The following ABCB5 variants were observed in gnomAD, a reference collection of about 807,000 sequenced individuals.
The protein encoded by ABCB5 is ATP-binding cassette sub-family B member 5.
Under a neutral mutation model 144.2 loss-of-function variants are expected in ABCB5, and 155 were observed. The ratio of observed to expected loss-of-function variants is 1.08; its 90% CI spans 0.94 to 1.23. The LOEUF is 1.23. ABCB5 is among the 50% of genes most tolerant of loss of function. ABCB5 has a pLI of 0.00. For missense variants in ABCB5, 1,830 were observed against 1,520.8 expected, an observed-to-expected ratio of 1.20 and a Z score of -3.38; for synonymous variants, 610 against 528.6, an observed-to-expected ratio of 1.15 and a Z score of -2.11.
Position 20,756,446 on chromosome 7 carries a change from C to G in ABCB5, c.*822C>G, listed in dbSNP as rs1289901152. ...TCACTTGAGGTCAGGAGTTCGAGAC[C>G]AGCCTGGCCAACATGGTGAAACCCC... is the stretch of plus-strand genomic sequence containing the variant. On this transcript the variant is annotated 3_prime_UTR_variant, in exon 28 of 28. Coordinates refer to ENST00000404938, the MANE Select transcript of ABCB5 (RefSeq NM_001163941.2). The G allele has an allele frequency of 1.3e-5, 2 of 152,190 alleles. No individual in the cohort carries two copies. Among genetic ancestry groups the G allele is most frequent in the Non-Finnish European group, 2.9e-5 (2 of 68,048 alleles). The allele number at this position is 152,190 out of a possible 1,614,324, so 9.4% of individuals were successfully genotyped here.
At chr7:20,686,570 C>T (rs1786008578) in intron 16 of ABCB5, among the ~76,000 whole-genome samples, 1 of 152,142 alleles carries the variant, frequency 6.6e-6, no homozygotes, top group Admixed American at 6.5e-5. Flanking sequence ...TTAACCCATG[C>T]TTCTCCCAGC....
intron 16 of ABCB5, among the ~76,000 whole-genome samples, chr7:20,689,866 C>T (rs1292779943): frequency 3.3e-5 from 5 of 152,096 alleles, no homozygotes; most frequent in Non-Finnish European, 7.4e-5. Flanking sequence ...ATAACCAGGA[C>T]AGGGGTGGTA....
At chr7:20,633,286 C>G (rs1784078405) in intron 5 of ABCB5, among the ~76,000 whole-genome samples, 1 of 151,992 alleles carries the variant, frequency 6.6e-6, no homozygotes, top group Admixed American at 6.6e-5. Flanking sequence ...TTCTGAGTTT[C>G]CTAGGTAGAC....
In ABCB5 at chr7:20,711,786, T is replaced by TTCTCTCTCTCTCTC. The variant is rs1491248865; in HGVS notation, c.2421+6982_2421+6983insCTCTCTCTCTCTCT. ...CCTGCCTTTCCTTCTTTCTCTTTCT[T>TTCTCTCTCTCTCTC]TCTTTCTTTCTTTCTTTCTTTCTTT... is the stretch of plus-strand genomic sequence containing the variant. On this transcript the variant is annotated intron_variant, in intron 20 of 27. Transcript: ENST00000404938. 9.3e-4 allele frequency among the ~76,000 whole-genome samples: 32 copies of TTCTCTCTCTCTCTC among 34,254 alleles called. 2 individuals are homozygous for TTCTCTCTCTCTCTC. Among genetic ancestry groups the TTCTCTCTCTCTCTC allele is most frequent in the East Asian group, 8.2e-3 (7 of 852 alleles). 22.5% of individuals were successfully genotyped at this position (34,254 alleles called of 152,430 possible). A position where few individuals can be genotyped will look rare whatever the true frequency, so the allele number is the denominator to read the frequency against.
chr7:20,704,924 G>T (rs1370415176), intron 20 of ABCB5, 117 bp downstream of exon 20: 26 of 656,370 alleles, frequency 4.0e-5, no homozygotes, highest in Non-Finnish European at 5.3e-5. Flanking sequence ...TCATTAATGA[G>T]GCCAGGTAAG....
At chr7:20,661,211 T>G (rs143996980) in intron 14 of ABCB5, among the ~76,000 whole-genome samples, 1 of 152,256 alleles carries the variant, frequency 6.6e-6, no homozygotes, top group African/African-American at 2.4e-5. Context: ...CAAGGCTCTA[T>G]GGAGCTGGGC....
chr7:20,624,020 T>C (rs932319924), intron 2 of ABCB5, among the ~76,000 whole-genome samples: 1 of 152,188 alleles, frequency 6.6e-6, no homozygotes, highest in African/African-American at 2.4e-5. Flanking sequence ...TAGGAACATT[T>C]TGAAAATCAA....
chr7:20,625,469 G>C (rs140431978), intron 2 of ABCB5, among the ~76,000 whole-genome samples: 1 of 152,226 alleles, frequency 6.6e-6, no homozygotes, highest in African/African-American at 2.4e-5. Flanking sequence ...TGAAATGTGA[G>C]CATACAAAGC....
At position 20,756,280 on chromosome 7, in the gene ABCB5, C is replaced by T. The variant is rs771209139; in HGVS notation, c.*656C>T. ...TGAGCCATCCCAAAGATTCATTATT[C>T]CAAACCTTGGGTTTGGCAGTATAAG... On this transcript the variant is annotated 3_prime_UTR_variant, in exon 28 of 28. Coordinates refer to ENST00000404938, the MANE Select transcript of ABCB5 (RefSeq NM_001163941.2). 2 of 152,372 alleles carry T rather than the reference C, an allele frequency of 1.3e-5. No individual in the cohort carries two copies. Among genetic ancestry groups the T allele is most frequent in the Admixed American group, 1.3e-4 (2 of 15,286 alleles). 9.4% of individuals were successfully genotyped at this position (152,372 alleles called of 1,614,324 possible).
chr7:20,632,185 A>C (rs1398845879), intron 5 of ABCB5, 72 bp downstream of exon 5: 7 of 1,118,748 alleles, frequency 6.3e-6, no homozygotes, highest in Non-Finnish European at 6.2e-6. Flanking sequence ...AGAAAAAAGC[A>C]ACTGAAATTT....
chr7:20,658,534 G>C lies in ABCB5; in HGVS notation c.1565G>C (p.Gly522Ala). 1.9e-6 allele frequency: 3 copies of C among 1,614,016 alleles called. No individual in the cohort carries two copies. The highest frequency in any genetic ancestry group is 2.5e-6 in the Non-Finnish European group (3 of 1,179,994). ...TTTAATACATTGGTAGGGGAAAAAG[G>C]AGCTCAAATGAGTGGAGGGCAGAAA... ...NKFNTLVGEK[G>A]AQMSGGQKQR... The change falls in exon 14 of 28, where the codon GGA (glycine) becomes GCA (alanine). Residue 522 changes from glycine (G) to alanine (A), a missense_variant. Coordinates refer to ENST00000404938, the MANE Select transcript of ABCB5 (RefSeq NM_001163941.2).
In ABCB5 at chr7:20,658,625, G is replaced by A. The variant is rs756899403; in HGVS notation, c.1656G>A (p.Thr552=). The A allele has an allele frequency of 1.6e-5, 26 of 1,614,164 alleles. No homozygotes were observed. The highest frequency in any genetic ancestry group is 1.6e-4 in the Middle Eastern group (1 of 6,062). ...AGATTCTGATTTTAGATGAGGCTAC[G>A]TCTGCCCTGGATTCAGAAAGCAAGT... ...NPKILILDEA[T]SALDSESKSA... is the part of the protein sequence containing the mutation. The change falls in exon 14 of 28, where the codon ACG becomes ACA. Residue 552 remains threonine (T), a synonymous_variant. Coordinates refer to ENST00000404938, the MANE Select transcript of ABCB5 (RefSeq NM_001163941.2).
chr7:20,740,830 G>T (rs1317594296), intron 24 of ABCB5, among the ~76,000 whole-genome samples: 1 of 152,138 alleles, frequency 6.6e-6, no homozygotes, highest in Non-Finnish European at 1.5e-5. Flanking sequence ...ATCTGGGCAG[G>T]GTGTGGTGGC....
At chr7:20,690,317 T>C (rs1000131179) in intron 16 of ABCB5, among the ~76,000 whole-genome samples, 1 of 152,252 alleles carries the variant, frequency 6.6e-6, no homozygotes. Flanking sequence ...TTATATCTTA[T>C]GTTCTAATAA....
At position 20,623,350 on chromosome 7, in the gene ABCB5, C is replaced by G; in HGVS notation, c.53+12C>G. The G allele has an allele frequency of 6.5e-7, 1 of 1,543,462 alleles. No homozygotes were observed. The highest frequency in any genetic ancestry group is 8.8e-7 in the Non-Finnish European group (1 of 1,139,106). ...TATCAGAGAAATGGGTAAGCTCTCACTAAGTTCTGTAAGTATGCTTCCACA... is the reference window on the plus strand; with the variant it reads ...TATCAGAGAAATGGGTAAGCTCTCAGTAAGTTCTGTAAGTATGCTTCCACA... On this transcript the variant is annotated intron_variant, in intron 2 of 27. Coordinates refer to ENST00000404938, the MANE Select transcript of ABCB5 (RefSeq NM_001163941.2).
chr7:20,746,121 CAG>C (rs1290588410), intron 26 of ABCB5, among the ~76,000 whole-genome samples: 1 of 150,454 alleles, frequency 6.6e-6, no homozygotes, highest in African/African-American at 2.5e-5. Context: ...TTTTTTTTGA[CAG>C]AGTTTCGCTC....
At chr7:20,655,982 G>C (rs1784777180) in intron 13 of ABCB5, among the ~76,000 whole-genome samples, 1 of 152,198 alleles carries the variant, frequency 6.6e-6, no homozygotes, top group African/African-American at 2.4e-5. Flanking sequence ...ACCAGAAATA[G>C]ATTCACAAAT....
At chr7:20,686,734 ACC>A (rs928812485) in intron 16 of ABCB5, among the ~76,000 whole-genome samples, 5 of 151,614 alleles carry the variant, frequency 3.3e-5, no homozygotes, top group African/African-American at 1.2e-4. Flanking sequence ...ACCATCTCAC[ACC>A]TATCCTTGGC....
intron 24 of ABCB5, among the ~76,000 whole-genome samples, chr7:20,740,527 A>G (rs2128054727): frequency 6.6e-6 from 1 of 152,354 alleles, no homozygotes; most frequent in South Asian, 2.1e-4. Flanking sequence ...CTTCAAAGAT[A>G]CATCACAGTC....
Sources: gnomAD v4.1 joint callset for allele counts (sites outside exome capture counted in the v4.1 genomes callset) on GRCh38, gnomAD v4.1.1 for gene constraint, MANE v1.5 for transcripts, NCBI Gene and HGNC (gene_info 2026-07-23, HGNC 2026-07-21) for gene names.